The following QTMAN variants were observed in gnomAD, a reference collection of about 807,000 sequenced individuals.
The protein encoded by QTMAN is queuosine-tRNA mannosyltransferase, also known as tRNA-queuosine alpha-mannosyltransferase.
chr2:144,316,259 A>G, the QTMAN span, among the ~76,000 whole-genome samples: 1 of 151,872 alleles, frequency 6.6e-6, no homozygotes, highest in Non-Finnish European at 1.5e-5. Flanking sequence ...CGCTGCTGCT[A>G]AGGCCTTGTT....
the QTMAN span, among the ~76,000 whole-genome samples, chr2:144,098,192 T>C: frequency 6.6e-6 from 1 of 152,196 alleles, no homozygotes; most frequent in Non-Finnish European, 1.5e-5. Context: ...TCACAACCAA[T>C]ACGTCAAAAT....
chr2:143,994,431 T>C, the QTMAN span, among the ~76,000 whole-genome samples: 1 of 152,116 alleles, frequency 6.6e-6, no homozygotes, highest in Non-Finnish European at 1.5e-5. Flanking sequence ...CATAAAGACT[T>C]ATATGCAAAT....
the QTMAN span, among the ~76,000 whole-genome samples, chr2:144,302,414 T>C: frequency 6.6e-6 from 1 of 152,102 alleles, no homozygotes; most frequent in Non-Finnish European, 1.5e-5. Context: ...ACTACACAGA[T>C]GAAATGAACA....
the QTMAN span, among the ~76,000 whole-genome samples, chr2:143,992,469 T>G: frequency 6.7e-6 from 1 of 149,638 alleles, no homozygotes; most frequent in African/African-American, 2.5e-5. Context: ...TGACCTTCCC[T>G]CCACTATTGT....
the QTMAN span, among the ~76,000 whole-genome samples, chr2:144,139,601 C>T: frequency 1.3e-5 from 2 of 152,112 alleles, no homozygotes; most frequent in South Asian, 2.1e-4. Context: ...ATATTCAATA[C>T]ATATAATGAA....
chr2:144,255,197 T>C, the QTMAN span, among the ~76,000 whole-genome samples: 1 of 152,134 alleles, frequency 6.6e-6, no homozygotes, highest in Admixed American at 6.5e-5. Context: ...CAAAATGATA[T>C]GATTTGGCTG....
the QTMAN span, among the ~76,000 whole-genome samples, chr2:144,319,074 T>A: frequency 1.3e-5 from 2 of 152,208 alleles, no homozygotes. Context: ...TCATACCTGC[T>A]TGCCAAATCA....
chr2:144,255,070 A>T, the QTMAN span, among the ~76,000 whole-genome samples: 3 of 152,122 alleles, frequency 2.0e-5, no homozygotes, highest in East Asian at 5.8e-4. Flanking sequence ...CTCAGATGAG[A>T]CTTTGGACTT....
the QTMAN span, among the ~76,000 whole-genome samples, chr2:144,109,040 T>C: frequency 3.9e-4 from 59 of 152,328 alleles, no homozygotes; most frequent in African/African-American, 1.3e-3. Context: ...AATGACTTTC[T>C]TCACAGAATT....
At chr2:144,303,555 A>C in the QTMAN span, among the ~76,000 whole-genome samples, 2 of 152,218 alleles carry the variant, frequency 1.3e-5, no homozygotes, top group East Asian at 3.8e-4. Flanking sequence ...AGAAGTCATC[A>C]AGAAAAGGGT....
At chr2:144,090,605 A>G in the QTMAN span, among the ~76,000 whole-genome samples, 1 of 152,048 alleles carries the variant, frequency 6.6e-6, no homozygotes, top group Non-Finnish European at 1.5e-5. Flanking sequence ...ATCAAAGGAA[A>G]CCATAACAGC....
chr2:144,166,696 C>T, the QTMAN span, among the ~76,000 whole-genome samples: 1 of 152,078 alleles, frequency 6.6e-6, no homozygotes, highest in Admixed American at 6.6e-5. Context: ...GAATAGAAAA[C>T]CTAAGAATTT....
At chr2:144,247,901 G>A in the QTMAN span, among the ~76,000 whole-genome samples, 1 of 152,132 alleles carries the variant, frequency 6.6e-6, no homozygotes, top group Admixed American at 6.5e-5. Context: ...ATACTGCCCA[G>A]GCTGGTCTCG....
At chr2:143,987,436 G>A in the QTMAN span, among the ~76,000 whole-genome samples, 1 of 152,286 alleles carries the variant, frequency 6.6e-6, no homozygotes, top group South Asian at 2.1e-4. Flanking sequence ...CATGTCTAAT[G>A]GAATCCCTCT....
the QTMAN span, among the ~76,000 whole-genome samples, chr2:144,098,559 C>T: frequency 1.3e-5 from 2 of 151,620 alleles, no homozygotes; most frequent in Admixed American, 6.6e-5. Context: ...TACTAAAATA[C>T]AAAAAATTAG....
At chr2:144,140,591 CA>C in the QTMAN span, among the ~76,000 whole-genome samples, 1 of 151,964 alleles carries the variant, frequency 6.6e-6, no homozygotes, top group Admixed American at 6.6e-5. Context: ...TACGTAATTA[CA>C]TATATATTCT....
the QTMAN span, among the ~76,000 whole-genome samples, chr2:144,159,511 T>G: frequency 6.6e-6 from 1 of 152,110 alleles, no homozygotes; most frequent in South Asian, 2.1e-4. Context: ...TACACAGTGA[T>G]CAAGTTCAAC....
chr2:144,295,619 T>C, the QTMAN span, among the ~76,000 whole-genome samples: 1 of 152,144 alleles, frequency 6.6e-6, no homozygotes, highest in African/African-American at 2.4e-5. Flanking sequence ...TTTGTTTTTG[T>C]TTTTGTATTT....
the QTMAN span, among the ~76,000 whole-genome samples, chr2:144,305,233 T>C: frequency 6.6e-6 from 1 of 152,228 alleles, no homozygotes; most frequent in Non-Finnish European, 1.5e-5. Context: ...ATAGTTTTAG[T>C]TCTTTCATTT....
Sources: gnomAD v4.1 joint callset for allele counts (sites outside exome capture counted in the v4.1 genomes callset) on GRCh38, gnomAD v4.1.1 for gene constraint, MANE v1.5 for transcripts, NCBI Gene and HGNC (gene_info 2026-07-23, HGNC 2026-07-21) for gene names.